The following CHL1 variants were observed in gnomAD, a reference collection of about 807,000 sequenced individuals.
CHL1 encodes the protein neural cell adhesion molecule L1-like protein.
A neutral mutation model predicts 141.9 loss-of-function variants in CHL1; 96 were observed. The ratio of observed to expected loss-of-function variants is 0.68; its 90% CI spans 0.57 to 0.80. The LOEUF is 0.80. Among genes scored for constraint, CHL1 ranks in the 30% least tolerant of loss-of-function variants. The pLI is 0.00. For missense variants in CHL1, 1,820 were observed against 1,457.2 expected (o/e 1.25, Z -4.05); for synonymous variants, 613 against 502.2 (o/e 1.22, Z -2.95).
chr3:249,540 C>T (rs1051168627), intron 2 of CHL1, among the ~76,000 whole-genome samples: 2 of 152,138 alleles, frequency 1.3e-5, no homozygotes, highest in Non-Finnish European at 1.5e-5. Context: ...GTTCTACCTT[C>T]GAAAGAGTGA....
intron 2 of CHL1, among the ~76,000 whole-genome samples, chr3:245,783 G>A (rs938665978): frequency 6.6e-6 from 1 of 151,998 alleles, no homozygotes; most frequent in East Asian, 1.9e-4. Flanking sequence ...AACCCCCAGC[G>A]GCCTTCTAAA....
intron 3 of CHL1, among the ~76,000 whole-genome samples, chr3:324,605 CTTTATTTATTTA>C (rs60745240): frequency 0.094 from 13,780 of 146,062 alleles, 2,153 homozygotes; most frequent in African/African-American, 0.32. Flanking sequence ...TCACTTCCTA[CTTTATTTATTTA>C]TTTATTTATT....
chr3:295,043 C>G (rs1698064783), intron 2 of CHL1, among the ~76,000 whole-genome samples: 1 of 152,182 alleles, frequency 6.6e-6, no homozygotes, highest in Non-Finnish European at 1.5e-5. Flanking sequence ...CTTTCTCCTT[C>G]TCCTCTTCCT....
At chr3:316,899 G>C (rs1360054596) in intron 2 of CHL1, among the ~76,000 whole-genome samples, 2 of 151,966 alleles carry the variant, frequency 1.3e-5, no homozygotes, top group African/African-American at 4.8e-5. Flanking sequence ...TTTCAAGAAA[G>C]ATAAATGGGA....
At chr3:274,972 C>T (rs989428637) in intron 2 of CHL1, among the ~76,000 whole-genome samples, 1 of 152,216 alleles carries the variant, frequency 6.6e-6, no homozygotes, top group East Asian at 1.9e-4. Context: ...GAAGCAATAT[C>T]TCTCTTTTCT....
intron 2 of CHL1, among the ~76,000 whole-genome samples, chr3:255,727 C>G (rs575808942): frequency 2.0e-4 from 31 of 152,300 alleles, no homozygotes; most frequent in African/African-American, 7.0e-4. Context: ...CAACCTAGAA[C>G]AGTAGTTCTC....
rs529988946 is a variant in CHL1 at position 405,585 on chromosome 3, C to T, written c.3549C>T (p.Tyr1183=). 2.2e-5 allele frequency: 36 copies of T among 1,613,256 alleles called. No individual in the cohort carries two copies. Among genetic ancestry groups the T allele is most frequent in the South Asian group, 1.5e-4 (14 of 91,060 alleles). The part of the protein sequence containing the change: ...PTESADSLVE[Y]GEGDHGLFSE... ...AAAGTGCTGACAGCTTAGTCGAATACGGAGAGGGAGACCATGGTCTCTTCA... is the reference window on the plus strand; with the variant it reads ...AAAGTGCTGACAGCTTAGTCGAATATGGAGAGGGAGACCATGGTCTCTTCA... The change falls in exon 28 of 28, where the codon TAC becomes TAT. Residue 1183 remains tyrosine, a synonymous_variant. Transcript: ENST00000256509.
At chr3:226,043 A>G (rs1354370639) in intron 1 of CHL1, among the ~76,000 whole-genome samples, 15 of 149,902 alleles carry the variant, frequency 1.0e-4, no homozygotes, top group Admixed American at 9.9e-4. Flanking sequence ...ACTTTTTTTG[A>G]GAGAGTCTCG....
At chr3:310,678 G>T (rs955035116) in intron 2 of CHL1, among the ~76,000 whole-genome samples, 2 of 152,048 alleles carry the variant, frequency 1.3e-5, no homozygotes, top group African/African-American at 4.8e-5. Context: ...CAGCCTCTCC[G>T]TTATCAACAC....
intron 9 of CHL1, among the ~76,000 whole-genome samples, chr3:346,042 C>T (rs899192707): frequency 6.6e-6 from 1 of 152,118 alleles, no homozygotes; most frequent in African/African-American, 2.4e-5. Flanking sequence ...ATAATCTGTT[C>T]GTAAGCTAAG....
chr3:351,144 A>G (rs1703220256), intron 10 of CHL1, among the ~76,000 whole-genome samples: 1 of 152,190 alleles, frequency 6.6e-6, no homozygotes, highest in Admixed American at 6.6e-5. Context: ...TTTCTTGACT[A>G]TAAAACCAAA....
chr3:360,679 C>T (rs1265759604), intron 12 of CHL1, among the ~76,000 whole-genome samples: 28 of 148,998 alleles, frequency 1.9e-4, no homozygotes, highest in Admixed American at 2.7e-4. Context: ...CATGCTGGTG[C>T]GCTGCACCCA....
chr3:373,879 C>A (rs1194181603), intron 15 of CHL1: 1 of 152,426 alleles, frequency 6.6e-6, no homozygotes, highest in Non-Finnish European at 1.5e-5. Flanking sequence ...TGGACCACTG[C>A]ACCACACTGT....
intron 1 of CHL1, among the ~76,000 whole-genome samples, chr3:228,461 C>A (rs983480953): frequency 1.9e-4 from 27 of 145,942 alleles, no homozygotes; most frequent in Non-Finnish European, 3.9e-4. Context: ...TTTGCATACA[C>A]TCAGTGTAAA....
At chr3:349,207 G>A in intron 9 of CHL1, 152 bp from the exon 10 acceptor site, 1 of 640,278 alleles carries the variant, frequency 1.6e-6, no homozygotes, top group Non-Finnish European at 2.7e-6. Context: ...GTTGGTGGTG[G>A]GTGTGTCTGT....
At chr3:323,444 A>G (rs1249695717) in intron 3 of CHL1, among the ~76,000 whole-genome samples, 1 of 152,130 alleles carries the variant, frequency 6.6e-6, no homozygotes, top group Non-Finnish European at 1.5e-5. Flanking sequence ...TGAAAGCTCC[A>G]TGATGTTACA....
chr3:205,716 G>C (rs1699376350), intron 1 of CHL1, among the ~76,000 whole-genome samples: 1 of 152,140 alleles, frequency 6.6e-6, no homozygotes, highest in Non-Finnish European at 1.5e-5. Flanking sequence ...ATTATAAAAA[G>C]CTTTTATTGA....
chr3:220,971 C>T (rs2124975961), intron 1 of CHL1, among the ~76,000 whole-genome samples: 1 of 152,264 alleles, frequency 6.6e-6, no homozygotes, highest in African/African-American at 2.4e-5. Context: ...CCTTGGTCTC[C>T]ACAACCATCC....
intron 10 of CHL1, among the ~76,000 whole-genome samples, chr3:353,657 C>G (rs1336939770): frequency 6.6e-6 from 1 of 152,196 alleles, no homozygotes; most frequent in Non-Finnish European, 1.5e-5. Context: ...ACATAATCCT[C>G]TTTTTCTTCC....
Sources: allele counts gnomAD v4.1 joint callset (sites outside exome capture counted in the v4.1 genomes callset), GRCh38; gene constraint gnomAD v4.1.1; transcripts MANE v1.5; gene names NCBI Gene and HGNC (gene_info 2026-07-23, HGNC 2026-07-21).